SLC8A1: variants seen among roughly 807,000 people sequenced by gnomAD.
SLC8A1 encodes the protein sodium/calcium exchanger 1.
A neutral mutation model predicts 68.3 loss-of-function variants in SLC8A1; 18 were observed. That is an observed-to-expected ratio of 0.26 (90% CI 0.18 to 0.39). The LOEUF is 0.39. SLC8A1 is among the 10% of genes least tolerant of loss of function. The pLI, the probability that SLC8A1 is intolerant of heterozygous loss-of-function variation, is 1.00. For synonymous variants in SLC8A1, 475 were observed against 415.5 expected (o/e 1.14, Z -1.74); for missense variants, 985 against 1,156.7 (o/e 0.85, Z 2.15).
rs564020918 is a variant in SLC8A1 at position 40,510,121 on chromosome 2, C to T, written c.-25+2228G>A. The stretch of plus-strand genomic sequence containing the variant: ...GATTACAGGCGTGAGCCACCGTGCC[C>T]GGCCGCCATTTTGTTTATTTATTTA... On this transcript the variant is annotated intron_variant, in intron 1 of 7. Coordinates refer to the SLC8A1 transcript ENST00000402441. Among the ~76,000 whole-genome samples the T allele has an allele frequency of 3.2e-3, 489 of 152,184 alleles. 5 individuals are homozygous for T. Among genetic ancestry groups the T allele is most frequent in the African/African-American group, 0.011 (451 of 41,536 alleles).
chr2:40,236,062 A>G lies in SLC8A1; in HGVS notation c.1809-58207T>C, dbSNP rs544957100. On this transcript the variant is annotated intron_variant, in intron 2 of 7. Coordinates refer to ENST00000406785, the Ensembl canonical transcript of SLC8A1. ...GAAGAGGTGTGGTGTGGTGCTGAAA[A>G]AAATGTATATTCTGTTGATTTGGGG... is the stretch of plus-strand genomic sequence containing the variant. Among the ~76,000 whole-genome samples the G allele has an allele frequency of 5.9e-5, 9 of 152,186 alleles. No individual in the cohort carries two copies. The South Asian group carries it at 1.0e-3, about 18-fold the overall frequency.
In SLC8A1 at chr2:40,129,714, A is replaced by G. The variant is rs537976724; in HGVS notation, c.2437+9687T>C. On this transcript the variant is annotated intron_variant, in intron 7 of 7. Coordinates refer to ENST00000406785, the Ensembl canonical transcript of SLC8A1. The stretch of plus-strand genomic sequence containing the variant: ...AAATTTACACTCATTCACATAACAC[A>G]TGCATAACACCAACCCTCCAAACAC... 8.0e-4 allele frequency among the ~76,000 whole-genome samples: 122 copies of G among 152,302 alleles called. 1 individual carries two copies. The highest frequency in any genetic ancestry group is 2.8e-3 in the African/African-American group (116 of 41,560).
At chr2:40,398,810 CTCT>C (rs2149641156) in intron 2 of SLC8A1, among the ~76,000 whole-genome samples, 1 of 152,244 alleles carries the variant, frequency 6.6e-6, no homozygotes, top group East Asian at 1.9e-4. Flanking sequence ...ACAGTTACAG[CTCT>C]TCTTCAACTG....
At chr2:40,482,968 T>C (rs1484993317) in intron 1 of SLC8A1, among the ~76,000 whole-genome samples, 1 of 147,636 alleles carries the variant, frequency 6.8e-6, no homozygotes, top group African/African-American at 2.5e-5. Flanking sequence ...TTTTTTTTTT[T>C]TTCTTTTTTG....
At chr2:40,445,475 C>G (rs934354354) in intron 1 of SLC8A1, among the ~76,000 whole-genome samples, 1 of 152,160 alleles carries the variant, frequency 6.6e-6, no homozygotes, top group African/African-American at 2.4e-5. Context: ...AAAGAGGTAA[C>G]TTGGATGAAA....
chr2:40,356,925 C>T (rs1266142114), intron 2 of SLC8A1, among the ~76,000 whole-genome samples: 1 of 152,112 alleles, frequency 6.6e-6, no homozygotes, highest in Non-Finnish European at 1.5e-5. Flanking sequence ...AGGCACATGC[C>T]ATGTTTTCTC....
intron 2 of SLC8A1, among the ~76,000 whole-genome samples, chr2:40,198,492 TATTTA>T (rs2053517737): frequency 6.6e-6 from 1 of 151,984 alleles, no homozygotes; most frequent in South Asian, 2.1e-4. Flanking sequence ...ATATTTCAGG[TATTTA>T]ATTTCAGTTG....
At chr2:40,325,748 A>G (rs2149355473) in intron 2 of SLC8A1, among the ~76,000 whole-genome samples, 1 of 143,196 alleles carries the variant, frequency 7.0e-6, no homozygotes, top group Admixed American at 7.3e-5. Context: ...GCCGGCTAAC[A>G]TGGTGAAACC....
intron 2 of SLC8A1, among the ~76,000 whole-genome samples, chr2:40,375,174 T>C (rs559439775): frequency 5.3e-5 from 8 of 152,090 alleles, no homozygotes; most frequent in African/African-American, 1.4e-4. Context: ...AATTTAGAGA[T>C]TGAAGGAATG....
intron 6 of SLC8A1, among the ~76,000 whole-genome samples, chr2:40,149,673 C>T (rs1034010651): frequency 1.3e-5 from 2 of 152,142 alleles, no homozygotes; most frequent in African/African-American, 4.8e-5. Flanking sequence ...GGAATCCCAA[C>T]TTCAATTTCT....
At chr2:40,352,980 C>G (rs116446732) in intron 2 of SLC8A1, among the ~76,000 whole-genome samples, 2 of 152,078 alleles carry the variant, frequency 1.3e-5, no homozygotes. Flanking sequence ...CTCTCACTTA[C>G]GGAAGGTCCA....
chr2:40,157,347 C>G (rs1474549613), intron 6 of SLC8A1, among the ~76,000 whole-genome samples: 1 of 151,810 alleles, frequency 6.6e-6, no homozygotes, highest in Non-Finnish European at 1.5e-5. Context: ...GAACTGAGAT[C>G]TTGAGGTGTA....
chr2:40,374,085 A>G (rs781038801), intron 2 of SLC8A1, among the ~76,000 whole-genome samples: 7 of 152,124 alleles, frequency 4.6e-5, no homozygotes, highest in Non-Finnish European at 7.4e-5. Context: ...ACACAAATCC[A>G]CTGAGGATTA....
At chr2:40,415,661 C>G (rs1214081827) in intron 2 of SLC8A1, among the ~76,000 whole-genome samples, 1 of 152,024 alleles carries the variant, frequency 6.6e-6, no homozygotes, top group East Asian at 1.9e-4. Context: ...TTTCAAAGGA[C>G]TAATGCTCTC....
At chr2:40,159,153 C>T (rs989882980) in intron 6 of SLC8A1, among the ~76,000 whole-genome samples, 3 of 152,162 alleles carry the variant, frequency 2.0e-5, no homozygotes, top group Non-Finnish European at 4.4e-5. Flanking sequence ...AGACTCTATA[C>T]GTATTTCCTG....
At chr2:40,295,929 G>A (rs1179494792) in intron 2 of SLC8A1, among the ~76,000 whole-genome samples, 4 of 152,182 alleles carry the variant, frequency 2.6e-5, no homozygotes, top group Non-Finnish European at 5.9e-5. Context: ...GAGAAGGGAA[G>A]AGAGACAGTG....
chr2:40,264,787 C>A (rs1407015019), intron 2 of SLC8A1, among the ~76,000 whole-genome samples: 2 of 152,088 alleles, frequency 1.3e-5, no homozygotes, highest in African/African-American at 4.8e-5. Flanking sequence ...CAACATGGCA[C>A]ATGTATACAT....
At chr2:40,245,572 A>G (rs1019980160) in intron 2 of SLC8A1, among the ~76,000 whole-genome samples, 1 of 152,182 alleles carries the variant, frequency 6.6e-6, no homozygotes, top group Admixed American at 6.5e-5. Flanking sequence ...TTTGAAAATA[A>G]CTAGTAATAT....
At chr2:40,222,358 C>T (rs554797754) in intron 2 of SLC8A1, among the ~76,000 whole-genome samples, 173 of 152,186 alleles carry the variant, frequency 1.1e-3, no homozygotes, top group Non-Finnish European at 2.0e-3. Flanking sequence ...TTCCTTATAC[C>T]TTATACAAAA....
Sources: gnomAD v4.1 joint callset for allele counts (sites outside exome capture counted in the v4.1 genomes callset) on GRCh38, gnomAD v4.1.1 for gene constraint, MANE v1.5 for transcripts, NCBI Gene and HGNC (gene_info 2026-07-23, HGNC 2026-07-21) for gene names.